NAV3: variants seen among roughly 807,000 people sequenced by gnomAD.
The protein encoded by NAV3 is pore membrane and/or filament interacting like protein 1.
NAV3 carries 87 observed loss-of-function variants against 244.7 expected under a neutral mutation model. The observed-to-expected ratio is 0.36, with a 90% CI of 0.30 to 0.42. The LOEUF (loss-of-function observed/expected upper bound fraction) is 0.42, where lower values mean the gene tolerates loss of function less well. NAV3 is among the 20% of genes least tolerant of loss of function. The pLI is 1.00. For synonymous variants in NAV3, 1,126 were observed against 1,042.2 expected (o/e 1.08, Z -1.55); for missense variants, 2,663 against 2,893.3 (o/e 0.92, Z 1.83).
chr12:78,028,220 C>T (rs749657349), intron 9 of NAV3, among the ~76,000 whole-genome samples: 7 of 151,992 alleles, frequency 4.6e-5, no homozygotes, highest in Non-Finnish European at 1.0e-4. Context: ...ATCAGTGTCA[C>T]GGTGTACACA....
chr12:77,929,294 A>G (rs1565929964), intron 1 of NAV3, among the ~76,000 whole-genome samples: 3 of 152,126 alleles, frequency 2.0e-5, no homozygotes, highest in African/African-American at 7.2e-5. Context: ...CCTAAAAACC[A>G]ATTTTTAGAG....
At chr12:78,194,888 T>C (rs576269849) in intron 34 of NAV3, among the ~76,000 whole-genome samples, 102 of 152,236 alleles carry the variant, frequency 6.7e-4, no homozygotes, top group Non-Finnish European at 1.2e-3. Context: ...TAGCAAATCA[T>C]ACTGCCACCA....
intron 2 of NAV3, among the ~76,000 whole-genome samples, chr12:77,706,870 CAAAAAAAAAAAAAAAAAAA>C (rs34067727): frequency 1.5e-5 from 1 of 68,036 alleles, no homozygotes; most frequent in African/African-American, 6.6e-5. Context: ...GACTCTGTTT[CAAAAAAAAAAAAAAAAAAA>C]AAAACCAAAA....
At chr12:78,037,871 C>T (rs1387286095) in intron 9 of NAV3, among the ~76,000 whole-genome samples, 2 of 152,116 alleles carry the variant, frequency 1.3e-5, no homozygotes, top group Non-Finnish European at 2.9e-5. Flanking sequence ...TCTTCTATAC[C>T]TCAGTGACAA....
intron 12 of NAV3, among the ~76,000 whole-genome samples, chr12:78,104,497 T>C (rs1252784344): frequency 2.6e-5 from 4 of 152,154 alleles, no homozygotes; most frequent in African/African-American, 9.7e-5. Flanking sequence ...TAACTGTGAA[T>C]CCAGGAGTGA....
chr12:78,150,490 TTTTTTGTTTTTGTTTTTG>T (rs567260312), intron 22 of NAV3, among the ~76,000 whole-genome samples: 2,350 of 130,926 alleles, frequency 0.018, 49 homozygotes, highest in African/African-American at 0.049. Flanking sequence ...TATTTCACAT[TTTTTTGTTTTTGTTTTTG>T]TTTTTTTTTC....
chr12:77,981,363 C>T (rs896094185), intron 5 of NAV3, among the ~76,000 whole-genome samples: 1 of 152,050 alleles, frequency 6.6e-6, no homozygotes, highest in East Asian at 1.9e-4. Context: ...TCACAAGGAT[C>T]CTGCAGAAGT....
At chr12:78,019,700 G>A (rs1876828532) in intron 8 of NAV3, among the ~76,000 whole-genome samples, 1 of 152,056 alleles carries the variant, frequency 6.6e-6, no homozygotes. Flanking sequence ...GTGGGTAGAA[G>A]ACTCTGGTGG....
intron 34 of NAV3, among the ~76,000 whole-genome samples, chr12:78,195,809 A>G (rs1959168638): frequency 6.6e-6 from 1 of 152,014 alleles, no homozygotes; most frequent in South Asian, 2.1e-4. Flanking sequence ...CTCATAATAT[A>G]TTTATGATAT....
intron 2 of NAV3, among the ~76,000 whole-genome samples, chr12:77,761,346 C>T (rs1431846213): frequency 6.6e-6 from 1 of 152,166 alleles, no homozygotes; most frequent in Non-Finnish European, 1.5e-5. Flanking sequence ...CCACCATGTC[C>T]AGCCAGTATT....
intron 2 of NAV3, among the ~76,000 whole-genome samples, chr12:77,616,597 G>A: frequency 6.6e-6 from 1 of 152,070 alleles, no homozygotes; most frequent in East Asian, 1.9e-4. Context: ...GCTCAGAAAT[G>A]TTAAGTTACT....
intron 12 of NAV3, among the ~76,000 whole-genome samples, chr12:78,105,815 G>A (rs537369277): frequency 6.6e-6 from 1 of 151,638 alleles, no homozygotes; most frequent in East Asian, 1.9e-4. Context: ...ATATATATTT[G>A]ATGAAATAGT....
At chr12:77,724,543 T>G (rs1194250969) in intron 2 of NAV3, among the ~76,000 whole-genome samples, 1 of 151,862 alleles carries the variant, frequency 6.6e-6, no homozygotes, top group East Asian at 1.9e-4. Flanking sequence ...TATTCAGCAA[T>G]ATACTGTGTT....
chr12:78,185,579 T>C (rs1186630281), intron 30 of NAV3, 22 bp from the exon 31 acceptor site: 3 of 1,592,592 alleles, frequency 1.9e-6, no homozygotes, highest in Non-Finnish European at 2.6e-6. Context: ...GTTGTGTATG[T>C]CTTTCTTTTA....
chr12:78,139,287 A>C (rs1289371737), intron 19 of NAV3, among the ~76,000 whole-genome samples: 1 of 152,112 alleles, frequency 6.6e-6, no homozygotes, highest in Admixed American at 6.6e-5. Context: ...AGCCTAGTGC[A>C]GCTATTCCAG....
At chr12:78,033,955 G>A (rs140418321) in intron 9 of NAV3, among the ~76,000 whole-genome samples, 2 of 152,314 alleles carry the variant, frequency 1.3e-5, no homozygotes, top group Non-Finnish European at 2.9e-5. Flanking sequence ...CCCAGACTAG[G>A]ATTGCTCTTG....
intron 24 of NAV3, among the ~76,000 whole-genome samples, chr12:78,169,398 T>C (rs1412888712): frequency 1.3e-5 from 2 of 151,696 alleles, no homozygotes; most frequent in Admixed American, 1.3e-4. Context: ...TTTTAAATTA[T>C]TCCTATGCTT....
intron 1 of NAV3, among the ~76,000 whole-genome samples, chr12:77,892,401 A>G (rs1414453283): frequency 1.3e-5 from 2 of 152,072 alleles, no homozygotes; most frequent in African/African-American, 4.8e-5. Context: ...GGCAAGCCCT[A>G]AAATTAGACC....
chr12:78,138,868 C>G (rs113183966), intron 19 of NAV3, among the ~76,000 whole-genome samples: 14 of 152,174 alleles, frequency 9.2e-5, no homozygotes, highest in African/African-American at 3.1e-4. Flanking sequence ...CTGAACTATT[C>G]TAGTTCTTAA....
Sources: gnomAD v4.1 joint callset for allele counts (sites outside exome capture counted in the v4.1 genomes callset) on GRCh38, gnomAD v4.1.1 for gene constraint, MANE v1.5 for transcripts, NCBI Gene and HGNC (gene_info 2026-07-23, HGNC 2026-07-21) for gene names.